Variants in CAMK4 observed in about 807,000 individuals in gnomAD.
CAMK4 encodes the protein calcium/calmodulin dependent protein kinase IV.
CAMK4 carries 22 observed loss-of-function variants against 44.9 expected under a neutral mutation model. The observed-to-expected ratio is 0.49, with a 90% CI of 0.35 to 0.70. CAMK4 has a LOEUF of 0.70. CAMK4 is among the 30% of genes least tolerant of loss of function. The probability of loss-of-function intolerance (pLI) is 0.01; values close to 1 mark genes in which losing one functional copy is unlikely to be tolerated. For synonymous variants in CAMK4, 218 were observed against 215.4 expected (o/e 1.01, Z -0.11); for missense variants, 498 against 586.8 (o/e 0.85, Z 1.56).
intron 1 of CAMK4, among the ~76,000 whole-genome samples, chr5:111,292,209 A>ACCCT (rs1300888514): frequency 6.6e-6 from 1 of 152,136 alleles, no homozygotes; most frequent in Non-Finnish European, 1.5e-5. Flanking sequence ...CCATGATATC[A>ACCCT]CCCTCATGGA....
chr5:111,449,107 A>G (rs201714358), intron 6 of CAMK4, 22 bp from the exon 7 acceptor site: 1 of 1,133,708 alleles, frequency 8.8e-7, no homozygotes, highest in Non-Finnish European at 1.3e-6. Context: ...TGCTTCATTA[A>G]ATTTTTTTCT....
At chr5:111,345,453 T>C (rs1283112514) in intron 2 of CAMK4, among the ~76,000 whole-genome samples, 1 of 151,932 alleles carries the variant, frequency 6.6e-6, no homozygotes, top group Non-Finnish European at 1.5e-5. Context: ...TTTTATGAAA[T>C]AGAATTTCCT....
At chr5:111,342,536 T>G (rs1169650739) in intron 1 of CAMK4, among the ~76,000 whole-genome samples, 1 of 144,370 alleles carries the variant, frequency 6.9e-6, no homozygotes, top group East Asian at 2.1e-4. Flanking sequence ...ATGAGTTTCT[T>G]GTACACAGCA....
At chr5:111,338,628 G>T (rs1164361366) in intron 1 of CAMK4, among the ~76,000 whole-genome samples, 2 of 151,240 alleles carry the variant, frequency 1.3e-5, no homozygotes, top group African/African-American at 4.8e-5. Flanking sequence ...AATGCATTTT[G>T]AGTTAACTTT....
intron 1 of CAMK4, among the ~76,000 whole-genome samples, chr5:111,328,700 G>A (rs1749015301): frequency 6.6e-6 from 1 of 151,988 alleles, no homozygotes; most frequent in Non-Finnish European, 1.5e-5. Context: ...GCAGAGGTTT[G>A]TAGTTCTCCT....
chr5:111,318,639 T>A (rs1748533956), intron 1 of CAMK4, among the ~76,000 whole-genome samples: 1 of 152,168 alleles, frequency 6.6e-6, no homozygotes, highest in South Asian at 2.1e-4. Flanking sequence ...CTTCTAATTC[T>A]AGGAATGTCT....
intron 1 of CAMK4, among the ~76,000 whole-genome samples, chr5:111,250,242 G>A (rs1749428738): frequency 6.6e-6 from 1 of 152,202 alleles, no homozygotes. Context: ...AATGCATAGT[G>A]CTTTTACATT....
intron 1 of CAMK4, among the ~76,000 whole-genome samples, chr5:111,310,023 T>C (rs1051917416): frequency 1.3e-5 from 2 of 152,184 alleles, no homozygotes; most frequent in African/African-American, 4.8e-5. Context: ...ATGTCCTCTT[T>C]TCTACAACCT....
intron 1 of CAMK4, among the ~76,000 whole-genome samples, chr5:111,274,534 A>G (rs998372480): frequency 3.9e-5 from 6 of 152,192 alleles, no homozygotes; most frequent in Non-Finnish European, 7.3e-5. Flanking sequence ...CACTATGACA[A>G]TGCCACAGTG....
At chr5:111,342,291 T>G (rs1452545896) in intron 1 of CAMK4, among the ~76,000 whole-genome samples, 1 of 151,474 alleles carries the variant, frequency 6.6e-6, no homozygotes, top group Non-Finnish European at 1.5e-5. Flanking sequence ...TCAGGTATTT[T>G]GAAACCCTGT....
intron 4 of CAMK4, among the ~76,000 whole-genome samples, chr5:111,378,628 A>G (rs555141507): frequency 4.6e-5 from 7 of 152,276 alleles, no homozygotes; most frequent in African/African-American, 1.7e-4. Flanking sequence ...TAGACTTTAA[A>G]CATTATAACA....
intron 8 of CAMK4, 67 bp from the exon 9 acceptor site, chr5:111,478,314 A>T: frequency 9.5e-7 from 1 of 1,055,586 alleles, no homozygotes; most frequent in Non-Finnish European, 1.4e-6. Context: ...CTGAATTCCT[A>T]CAGAAATTGG....
chr5:111,242,305 T>C (rs1749036086), intron 1 of CAMK4, among the ~76,000 whole-genome samples: 1 of 152,188 alleles, frequency 6.6e-6, no homozygotes, highest in South Asian at 2.1e-4. Context: ...GGTATAATAA[T>C]AATCTCATAA....
intron 2 of CAMK4, among the ~76,000 whole-genome samples, chr5:111,370,772 G>A (rs1432919884): frequency 6.6e-6 from 1 of 152,036 alleles, no homozygotes; most frequent in Non-Finnish European, 1.5e-5. Context: ...AAAATTTGCT[G>A]GATGTGGTGG....
intron 1 of CAMK4, among the ~76,000 whole-genome samples, chr5:111,314,567 G>C (rs1748340863): frequency 6.6e-6 from 1 of 151,936 alleles, no homozygotes; most frequent in Admixed American, 6.6e-5. Flanking sequence ...TAATTTTCTA[G>C]TATTTTTAGA....
chr5:111,360,039 C>G (rs1019169028), intron 2 of CAMK4, among the ~76,000 whole-genome samples: 1 of 151,892 alleles, frequency 6.6e-6, no homozygotes, highest in Admixed American at 6.6e-5. Flanking sequence ...ATTTACCCAC[C>G]ACACTTACAT....
chr5:111,446,693 A>G lies in CAMK4; in HGVS notation c.467A>G (p.His156Arg), dbSNP rs755163074. 10 of 1,562,074 alleles carry G rather than the reference A, an allele frequency of 6.4e-6. No individual in the cohort carries two copies. Among genetic ancestry groups the G allele is most frequent in the Non-Finnish European group, 8.8e-6 (10 of 1,139,274 alleles). The change falls in exon 6 of 11, where the codon CAT becomes CGT. Residue 156 changes from histidine to arginine, a missense_variant. Physicochemically the swap from His to Arg is conservative, Grantham distance 29 (BLOSUM62 0). Around this residue, in one of 3 missense-constraint regions of CAMK4, gnomAD observed 203 missense variants for 298.2 expected, o/e 0.68. Coordinates refer to ENST00000282356, the MANE Select transcript of CAMK4 (RefSeq NM_001744.6). ...KQILEAVAYL[H>R]ENGIVHRDLK... ...ATTATTTTCCCTCTTTAGTATCTACATGAAAATGGGATTGTCCATCGTGAT... is the reference window on the plus strand; with the variant it reads ...ATTATTTTCCCTCTTTAGTATCTACGTGAAAATGGGATTGTCCATCGTGAT...
intron 5 of CAMK4, among the ~76,000 whole-genome samples, chr5:111,439,191 A>C (rs1044247413): frequency 6.6e-6 from 1 of 152,166 alleles, no homozygotes; most frequent in Non-Finnish European, 1.5e-5. Flanking sequence ...TGCATGCTGG[A>C]AACTTTGGAA....
chr5:111,391,376 A>G (rs768385032), intron 4 of CAMK4, among the ~76,000 whole-genome samples: 8 of 152,166 alleles, frequency 5.3e-5, no homozygotes, highest in African/African-American at 1.9e-4. Flanking sequence ...TGGCTTAAAA[A>G]TGGACGGCAA....
Sources: gnomAD v4.1 joint callset for allele counts (sites outside exome capture counted in the v4.1 genomes callset) on GRCh38, gnomAD v4.1.1 for gene constraint, gnomAD v4.1.1 regional missense constraint, MANE v1.5 for transcripts, NCBI Gene and HGNC (gene_info 2026-07-23, HGNC 2026-07-21) for gene names.